The following NBR1 variants were observed in gnomAD, a reference collection of about 807,000 sequenced individuals.
NBR1 encodes the protein NBR1 autophagy cargo receptor.
NBR1 carries 59 observed loss-of-function variants against 115.5 expected under a neutral mutation model. The observed-to-expected ratio is 0.51, with a 90% confidence interval of 0.41 to 0.63. The LOEUF (loss-of-function observed/expected upper bound fraction) is 0.63, where lower values mean the gene tolerates loss of function less well. Among genes scored for constraint, NBR1 ranks in the 30% least tolerant of loss-of-function variants. The pLI is 0.00. For synonymous variants in NBR1, 373 were observed against 414.7 expected, an observed-to-expected ratio of 0.90 and a Z score of 1.22; for missense variants, 1,043 against 1,150.5, an observed-to-expected ratio of 0.91 and a Z score of 1.35.
At chr17:43,179,885 G>T (rs2056619409) in intron 4 of NBR1, among the ~76,000 whole-genome samples, 1 of 114,790 alleles carries the variant, frequency 8.7e-6, no homozygotes, top group Non-Finnish European at 2.0e-5. Context: ...TGAAATGATA[G>T]TATTAACATT....
chr17:43,199,811 C>T (rs1045496125), intron 16 of NBR1, among the ~76,000 whole-genome samples: 11 of 152,080 alleles, frequency 7.2e-5, no homozygotes, highest in Admixed American at 7.2e-4. Context: ...AACTTTTTCT[C>T]TTTTTATAGC....
At chr17:43,184,369 A>ATTTTTTTTTT (rs1597977030) in intron 5 of NBR1, among the ~76,000 whole-genome samples, 1 of 21,818 alleles carries the variant, frequency 4.6e-5, no homozygotes, top group African/African-American at 6.2e-5. Flanking sequence ...CCAAAATACT[A>ATTTTTTTTTT]TTCTTTTTTT....
intron 20 of NBR1, among the ~76,000 whole-genome samples, chr17:43,208,474 T>C (rs558230389): frequency 6.6e-6 from 1 of 152,344 alleles, no homozygotes; most frequent in African/African-American, 2.4e-5. Flanking sequence ...GTTTGCATAC[T>C]GTTCTCATCT....
chr17:43,183,091 C>T (rs2056713658), intron 5 of NBR1, among the ~76,000 whole-genome samples: 1 of 150,210 alleles, frequency 6.7e-6, no homozygotes. Context: ...CAGGGTTTTA[C>T]CATGTTGCCC....
At chr17:43,182,599 C>CT (rs150813372) in intron 5 of NBR1, among the ~76,000 whole-genome samples, 3,532 of 145,388 alleles carry the variant, frequency 0.024, 211 homozygotes, top group African/African-American at 0.083. Flanking sequence ...ACATGGAATG[C>CT]TTTTTTTTTT....
At chr17:43,173,924 C>T (rs1259364339) in intron 1 of NBR1, among the ~76,000 whole-genome samples, 2 of 148,246 alleles carry the variant, frequency 1.3e-5, no homozygotes, top group African/African-American at 2.5e-5. Flanking sequence ...TTGTTCCTCT[C>T]AACCTAAGCT....
chr17:43,185,121 T>A (rs2056769989), intron 5 of NBR1, among the ~76,000 whole-genome samples: 1 of 151,520 alleles, frequency 6.6e-6, no homozygotes, highest in East Asian at 1.9e-4. Context: ...AGAAAAATAG[T>A]AACCCAGTTA....
chr17:43,209,694 A>C, intron 20 of NBR1: 1 of 1,534,860 alleles, frequency 6.5e-7, no homozygotes, highest in Non-Finnish European at 8.7e-7. Flanking sequence ...TCAAGTACAC[A>C]GATAACTAAT....
chr17:43,179,689 T>G (rs902442911), intron 4 of NBR1, among the ~76,000 whole-genome samples: 1 of 152,202 alleles, frequency 6.6e-6, no homozygotes, highest in Non-Finnish European at 1.5e-5. Context: ...CACATATAAG[T>G]ATTCCCATGG....
rs553806183 is a variant in NBR1, at chr17:43,174,891, C to T, written c.-9-900C>T. On this transcript the variant is annotated intron_variant, in intron 1 of 20. Transcript: ENST00000590996. ...CAGGCAGATCATGAGGTCAGGAGAT[C>T]GAGACCATTTTGCCTAACACGGTGA... Among the ~76,000 whole-genome samples the T allele has an allele frequency of 2.0e-5, 3 of 149,676 alleles. No homozygotes were observed. The East Asian group carries it at 5.9e-4, about 29-fold the overall frequency.
chr17:43,208,189 C>T (rs916193423), intron 20 of NBR1, among the ~76,000 whole-genome samples: 4 of 152,040 alleles, frequency 2.6e-5, no homozygotes, highest in Non-Finnish European at 5.9e-5. Flanking sequence ...AATAGACAGG[C>T]TACAACAGGC....
intron 17 of NBR1, among the ~76,000 whole-genome samples, chr17:43,200,867 G>GTT (rs556106085): frequency 0.013 from 1,568 of 123,602 alleles, 54 homozygotes; most frequent in African/African-American, 0.035. Flanking sequence ...AGCTGGTTGT[G>GTT]TTTTTTTTTT....
intron 20 of NBR1, among the ~76,000 whole-genome samples, chr17:43,204,049 T>C (rs1423943552): frequency 1.3e-5 from 2 of 151,880 alleles, no homozygotes; most frequent in Non-Finnish European, 2.9e-5. Flanking sequence ...ACCATTCTCC[T>C]GACTCAGCCT....
At chr17:43,199,608 C>T (rs2057149334) in intron 16 of NBR1, among the ~76,000 whole-genome samples, 1 of 152,082 alleles carries the variant, frequency 6.6e-6, no homozygotes, top group Admixed American at 6.5e-5. Flanking sequence ...ATATCCTGAC[C>T]TCATGATCTG....
Position 43,193,579 on chromosome 17 carries a change from A to G in NBR1, c.1465A>G (p.Asn489Asp). 3 of 1,612,148 alleles carry G rather than the reference A, an allele frequency of 1.9e-6. No homozygotes were observed. Among genetic ancestry groups the G allele is most frequent in the Non-Finnish European group, 2.5e-6 (3 of 1,179,130 alleles). The change falls in exon 12 of 21, where the codon AAC becomes GAC. Residue 489 changes from asparagine (N) to aspartate (D), a missense_variant. Asn to Asp is a conservative substitution (Grantham distance 23). Transcript: ENST00000590996. ...DPFPSEESPDNIEKGMISSSK... is the reference protein window; with the variant it reads ...DPFPSEESPDDIEKGMISSSK... ...TTTCCCCTCCGAAGAGAGCCCTGAT[A>G]ACATTGAAAAGGGCATGATCAGCTC...
In NBR1 at chr17:43,200,249, G is replaced by A. The variant is rs2057165157; in HGVS notation, c.2109G>A (p.Glu703=). 2 of 1,551,578 alleles carry A rather than the reference G, an allele frequency of 1.3e-6. No individual in the cohort carries two copies. Among genetic ancestry groups the A allele is most frequent in the Admixed American group, 2.0e-5 (1 of 50,984 alleles). Residue 703 remains glutamate (E), a synonymous_variant, in exon 17 of 21, where the codon GAG becomes GAA. Transcript: ENST00000590996. ...TCGCTGAGGAAGAAGCTGTCATGGA[G>A]GAGGAGGAGGATGAGGAGGATGAGG... is the stretch of plus-strand genomic sequence containing the variant. The part of the protein sequence containing the change: ...IHIAEEEAVM[E]EEEDEEDEEE...
intron 20 of NBR1, among the ~76,000 whole-genome samples, chr17:43,205,877 CAAA>C (rs71361507): frequency 5.1e-5 from 3 of 58,682 alleles, no homozygotes; most frequent in Non-Finnish European, 9.4e-5. Flanking sequence ...GACCATGTCT[CAAA>C]AAAAAAAAAA....
intron 20 of NBR1, among the ~76,000 whole-genome samples, chr17:43,204,179 C>T (rs2057266236): frequency 6.6e-6 from 1 of 151,992 alleles, no homozygotes; most frequent in Non-Finnish European, 1.5e-5. Flanking sequence ...ACTTCATGAT[C>T]TTCCCGCTTC....
Position 43,193,149 on chromosome 17 carries a change from G to T in NBR1, c.1129G>T (p.Asp377Tyr), listed in dbSNP as rs1233541791. 7 of 1,613,852 alleles carry T rather than the reference G, an allele frequency of 4.3e-6. No homozygotes were observed. Among genetic ancestry groups the T allele is most frequent in the Non-Finnish European group, 5.9e-6 (7 of 1,179,894 alleles). ...VMPMLSAAFV[D>Y]ENLPDGTHLQ... is the part of the protein sequence containing the mutation. ...GCCAATGCTCAGTGCAGCATTTGTG[G>T]ATGAGAATTTGCCTGATGGGACTCA... The change falls in exon 11 of 21, where the codon GAT becomes TAT. Residue 377 changes from aspartate (D) to tyrosine (Y), a missense_variant. Coordinates refer to ENST00000590996, the MANE Select transcript of NBR1 (RefSeq NM_005899.5).
Sources: allele counts gnomAD v4.1 joint callset (sites outside exome capture counted in the v4.1 genomes callset), GRCh38; gene constraint gnomAD v4.1.1; transcripts MANE v1.5; gene names NCBI Gene and HGNC (gene_info 2026-07-23, HGNC 2026-07-21).